Variants in BDKRB1 observed in about 807,000 individuals in gnomAD.
The protein encoded by BDKRB1 is bradykinin receptor B1, also known as B1 bradykinin receptor.
For synonymous variants in BDKRB1, 192 were observed against 189.1 expected (o/e 1.02, Z -0.13); for missense variants, 414 against 441.4 (o/e 0.94, Z 0.56).
intron 1 of BDKRB1, among the ~76,000 whole-genome samples, chr14:96,259,247 G>GTTTA (rs1401229291): frequency 6.6e-6 from 1 of 152,012 alleles, no homozygotes; most frequent in East Asian, 1.9e-4. Context: ...TTAATACACT[G>GTTTA]TTTAATAACA....
chr14:96,262,606 C>CCTTTTTTTTTTTTTTTTT, intron 1 of BDKRB1, 46 bp from the exon 2 acceptor site: 41 of 308,808 alleles, frequency 1.3e-4, no homozygotes, highest in East Asian at 2.0e-4. Context: ...TCTCTCTCTC[C>CCTTTTTTTTTTTTTTTTT]TTTTTTTTTT....
At chr14:96,257,418 T>A (rs538781701) in intron 1 of BDKRB1, among the ~76,000 whole-genome samples, 6 of 152,352 alleles carry the variant, frequency 3.9e-5, no homozygotes, top group Admixed American at 3.9e-4. Context: ...TCAGTCTCGC[T>A]GAGCTAAAGT....
chr14:96,262,843 G>C (rs1462940200), intron 2 of BDKRB1, 73 bp downstream of exon 2: 1 of 359,266 alleles, frequency 2.8e-6, no homozygotes, highest in Non-Finnish European at 5.4e-6. Context: ...GCCCAGGCTG[G>C]TCTTGAACTC....
intron 1 of BDKRB1, among the ~76,000 whole-genome samples, chr14:96,260,815 C>T (rs1006612507): frequency 2.0e-5 from 3 of 152,222 alleles, no homozygotes; most frequent in African/African-American, 7.2e-5. Context: ...AGCCTTGTGG[C>T]TTTAAATGCC....
Position 96,262,642 on chromosome 14 carries a change from G to A in BDKRB1, c.-129-10G>A, listed in dbSNP as rs1223766862. The A allele has an allele frequency of 5.3e-6, 1 of 189,246 alleles. No homozygotes were observed. Among genetic ancestry groups the A allele is most frequent in the Non-Finnish European group, 1.0e-5 (1 of 95,946 alleles). 11.7% of individuals were successfully genotyped at this position (189,246 alleles called of 1,614,324 possible). On this transcript the variant is annotated splice_polypyrimidine_tract_variant and intron_variant, in intron 1 of 2. Coordinates refer to ENST00000216629, the MANE Select transcript of BDKRB1 (RefSeq NM_000710.4). ...TTTTTTTTTTGTTGTTGTTGTTGTT[G>A]TTGAGACAGGGTCTCAGTCCGTCGG...
At chr14:96,258,536 A>G (rs1014541522) in intron 1 of BDKRB1, among the ~76,000 whole-genome samples, 2 of 152,064 alleles carry the variant, frequency 1.3e-5, no homozygotes, top group East Asian at 3.9e-4. Flanking sequence ...TAGCCCAGAT[A>G]TTTTCACAGG....
chr14:96,264,089 A>C lies in BDKRB1; in HGVS notation c.407A>C (p.Tyr136Ser). The change falls in exon 3 of 3, where the codon TAC (tyrosine) becomes TCC (serine). Residue 136 changes from tyrosine to serine, a missense_variant. Transcript: ENST00000216629. ...FLVVAISQDR[Y>S]RVLVHPMASR... Reference sequence around the variant, plus strand: ...GTGGTGGCCATCAGCCAGGACCGCTACCGCGTGCTGGTGCACCCTATGGCC... The same window carrying C: ...GTGGTGGCCATCAGCCAGGACCGCTCCCGCGTGCTGGTGCACCCTATGGCC... 1.2e-6 allele frequency: 2 copies of C among 1,605,862 alleles called. No individual in the cohort carries two copies. The highest frequency in any genetic ancestry group is 2.7e-5 in the African/African-American group (2 of 74,978).
At position 96,264,438 on chromosome 14, in the gene BDKRB1, C is replaced by A; in HGVS notation, c.756C>A (p.Ile252=). Residue 252 remains isoleucine, a synonymous_variant, in exon 3 of 3, where the codon ATC becomes ATA. Coordinates refer to ENST00000216629, the MANE Select transcript of BDKRB1 (RefSeq NM_000710.4). ...AGGATAGCAAGACCACAGCGCTGATCCTCACGCTCGTGGTTGCCTTCCTGG... is the reference window on the plus strand; with the variant it reads ...AGGATAGCAAGACCACAGCGCTGATACTCACGCTCGTGGTTGCCTTCCTGG... ...GRKDSKTTAL[I]LTLVVAFLVC... is the part of the protein sequence containing the mutation. 6.2e-7 allele frequency: 1 copy of A among 1,614,208 alleles called. No individual in the cohort carries two copies. Among genetic ancestry groups the A allele is most frequent in the Non-Finnish European group, 8.5e-7 (1 of 1,180,050 alleles).
intron 1 of BDKRB1, among the ~76,000 whole-genome samples, chr14:96,257,743 T>C (rs1190129606): frequency 6.6e-6 from 1 of 152,052 alleles, no homozygotes; most frequent in Non-Finnish European, 1.5e-5. Flanking sequence ...TCATCAGAGA[T>C]AGCTAGGAGA....
chr14:96,264,226 C>A lies in BDKRB1; in HGVS notation c.544C>A (p.Pro182Thr). The change falls in exon 3 of 3, where the codon CCA (proline) becomes ACA (threonine). Residue 182 changes from proline (P) to threonine (T), a missense_variant. Pro to Thr is a conservative substitution (Grantham distance 38). Transcript: ENST00000216629. ...CCTGCTGCGATCCATCCAAGCCGTC[C>A]CAGATCTGAACATCACCGCCTGCAT... is the stretch of plus-strand genomic sequence containing the variant. ...TFLLRSIQAVPDLNITACILL... is the reference protein window; with the variant it reads ...TFLLRSIQAVTDLNITACILL... 6.2e-7 allele frequency: 1 copy of A among 1,614,132 alleles called. No homozygotes were observed. The highest frequency in any genetic ancestry group is 8.5e-7 in the Non-Finnish European group (1 of 1,179,988).
At position 96,264,028 on chromosome 14, in the gene BDKRB1, GTCA is replaced by G. The variant is rs1566703612; in HGVS notation, c.350_352del (p.Ile117del). 6.2e-7 allele frequency: 1 copy of G among 1,614,072 alleles called. No homozygotes were observed. The highest frequency in any genetic ancestry group is 1.7e-5 in the Admixed American group (1 of 60,016). ...CCTCCTCTGCCGTGTCATCAACGGG[GTCA>G]TCAAGGCCAATTTGTTCATCAGCAT... On this transcript the variant is annotated inframe_deletion, in exon 3 of 3. Coordinates refer to ENST00000216629, the MANE Select transcript of BDKRB1 (RefSeq NM_000710.4).
rs148785236 is a variant in BDKRB1 at position 96,264,091 on chromosome 14, C to T, written c.409C>T (p.Arg137Cys). ...LVVAISQDRYRVLVHPMASRR... is the reference protein window; with the variant it reads ...LVVAISQDRYCVLVHPMASRR... ...GGTGGCCATCAGCCAGGACCGCTAC[C>T]GCGTGCTGGTGCACCCTATGGCCAG... Residue 137 changes from arginine to cysteine, a missense_variant, in exon 3 of 3, where the codon CGC becomes TGC. Arg to Cys is a radical substitution (Grantham distance 180). Coordinates refer to ENST00000216629, the MANE Select transcript of BDKRB1 (RefSeq NM_000710.4). The T allele has an allele frequency of 1.9e-5, 31 of 1,605,080 alleles. No homozygotes were observed. The highest frequency in any genetic ancestry group is 5.6e-5 in the South Asian group (5 of 88,612).
chr14:96,262,977 C>G (rs1454185963), intron 2 of BDKRB1, among the ~76,000 whole-genome samples: 1 of 152,040 alleles, frequency 6.6e-6, no homozygotes, highest in Non-Finnish European at 1.5e-5. Flanking sequence ...GCACTGTCCC[C>G]ACCCCGGCCA....
chr14:96,264,475 C>T lies in BDKRB1; in HGVS notation c.793C>T (p.Pro265Ser), dbSNP rs1885843886. ...GGTTGCCTTCCTGGTCTGCTGGGCCCCTTACCACTTCTTTGCCTTCCTGGA... is the reference window on the plus strand; with the variant it reads ...GGTTGCCTTCCTGGTCTGCTGGGCCTCTTACCACTTCTTTGCCTTCCTGGA... Reference protein sequence around the residue: ...LVVAFLVCWAPYHFFAFLEFL... With the variant: ...LVVAFLVCWASYHFFAFLEFL... Residue 265 changes from proline (P) to serine (S), a missense_variant, in exon 3 of 3, where the codon CCT (proline) becomes TCT (serine). Coordinates refer to ENST00000216629, the MANE Select transcript of BDKRB1 (RefSeq NM_000710.4). 1.2e-6 allele frequency: 2 copies of T among 1,614,092 alleles called. No individual in the cohort carries two copies. The highest frequency in any genetic ancestry group is 1.7e-6 in the Non-Finnish European group (2 of 1,180,056).
intron 1 of BDKRB1, among the ~76,000 whole-genome samples, chr14:96,258,366 A>G (rs1293435726): frequency 2.0e-5 from 3 of 152,176 alleles, no homozygotes; most frequent in Non-Finnish European, 4.4e-5. Context: ...TACAATTAAC[A>G]AATTTAAATT....
At position 96,263,988 on chromosome 14, in the gene BDKRB1, C is replaced by T; in HGVS notation, c.306C>T (p.Asn102=). Residue 102 remains asparagine (N), a synonymous_variant, in exon 3 of 3, where the codon AAC becomes AAT. Coordinates refer to ENST00000216629, the MANE Select transcript of BDKRB1 (RefSeq NM_000710.4). ...FWAENIWNQF[N]WPFGALLCRV... ...CAGAGAATATCTGGAACCAGTTTAA[C>T]TGGCCTTTCGGAGCCCTCCTCTGCC... 3 of 1,614,256 alleles carry T rather than the reference C, an allele frequency of 1.9e-6. No homozygotes were observed. The highest frequency in any genetic ancestry group is 2.2e-5 in the East Asian group (1 of 44,886).
At chr14:96,261,214 C>T (rs1266139575) in intron 1 of BDKRB1, among the ~76,000 whole-genome samples, 1 of 152,172 alleles carries the variant, frequency 6.6e-6, no homozygotes. Flanking sequence ...AGCTGTCACC[C>T]GCCAGCATGT....
At chr14:96,261,928 G>T (rs1357883394) in intron 1 of BDKRB1, among the ~76,000 whole-genome samples, 1 of 152,226 alleles carries the variant, frequency 6.6e-6, no homozygotes, top group Non-Finnish European at 1.5e-5. Flanking sequence ...GATCGCAGAG[G>T]GCTGGGAGAT....
At chr14:96,262,145 C>T (rs566367423) in intron 1 of BDKRB1, among the ~76,000 whole-genome samples, 2 of 150,900 alleles carry the variant, frequency 1.3e-5, no homozygotes, top group Admixed American at 6.6e-5. Flanking sequence ...GCTGTGAGCA[C>T]GGCCTCTGGG....
Sources: allele counts gnomAD v4.1 joint callset (sites outside exome capture counted in the v4.1 genomes callset), GRCh38; gene constraint gnomAD v4.1.1; transcripts MANE v1.5; gene names NCBI Gene and HGNC (gene_info 2026-07-23, HGNC 2026-07-21).